Variants in LAMA5 observed in about 807,000 individuals in gnomAD.
LAMA5 encodes the protein laminin subunit alpha 5, also known as laminin subunit alpha-5.
LAMA5 carries 260 observed loss-of-function variants against 433.4 expected under a neutral mutation model. That is an observed-to-expected ratio of 0.60 (90% confidence interval 0.54 to 0.66). The LOEUF is 0.66. Ranked by LOEUF, LAMA5 falls within the 30% of genes least tolerant of loss-of-function variation. LAMA5 has a pLI of 0.00. For synonymous variants in LAMA5, 2,620 were observed against 2,226.6 expected, an observed-to-expected ratio of 1.18 and a Z score of -4.97; for missense variants, 5,378 against 5,258.5, an observed-to-expected ratio of 1.02 and a Z score of -0.70.
At chr20:62,347,063 C>G in intron 6 of LAMA5, 35 bp from the exon 7 acceptor site, 3 of 1,556,458 alleles carry the variant, frequency 1.9e-6, no homozygotes, top group Non-Finnish European at 2.6e-6. Context: ...TCAGGCCCAT[C>G]CTGGAGGCAG....
chr20:62,339,231 CTTTTT>C (rs151158845), intron 11 of LAMA5, among the ~76,000 whole-genome samples: 1 of 55,958 alleles, frequency 1.8e-5, no homozygotes, highest in Non-Finnish European at 3.3e-5. Flanking sequence ...ATTATAGTTT[CTTTTT>C]TTTTTTTTTT....
rs549918706 is a variant in LAMA5 at position 62,311,230 on chromosome 20, G to A, written c.10020C>T (p.Ser3340=). The A allele has an allele frequency of 9.3e-6, 15 of 1,610,002 alleles. No homozygotes were observed. The African/African-American group carries it at 1.1e-4, about 11-fold the overall frequency. The change falls in exon 73 of 80, where the codon TCC becomes TCT. Residue 3340 remains serine, a synonymous_variant. Coordinates refer to ENST00000252999, the MANE Select transcript of LAMA5 (RefSeq NM_005560.6). ...TGGACAGGGAACCCCCAAACTGGTAGGAGTCTCGGGTGGTCCTGAGGTGTG... is the reference window on the plus strand; with the variant it reads ...TGGACAGGGAACCCCCAAACTGGTAAGAGTCTCGGGTGGTCCTGAGGTGTG... ...LPPHLRTTRD[S]YQFGGSLSSH... is the part of the protein sequence containing the mutation.
chr20:62,350,508 C>G (rs1430054030), intron 6 of LAMA5, among the ~76,000 whole-genome samples: 1 of 152,184 alleles, frequency 6.6e-6, no homozygotes, highest in Non-Finnish European at 1.5e-5. Flanking sequence ...TGTCTGAGCT[C>G]CACCCGCCTC....
chr20:62,352,750 G>A (rs909256119), intron 3 of LAMA5, among the ~76,000 whole-genome samples: 4 of 152,160 alleles, frequency 2.6e-5, no homozygotes, highest in Non-Finnish European at 5.9e-5. Context: ...AGGGTGGCAC[G>A]GGGCCAGGGA....
At chr20:62,354,159 G>A (rs1411685585) in intron 2 of LAMA5, among the ~76,000 whole-genome samples, 2 of 152,082 alleles carry the variant, frequency 1.3e-5, no homozygotes, top group African/African-American at 4.8e-5. Flanking sequence ...CTGGGGGACA[G>A]CCTGGCTCAG....
Position 62,312,545 on chromosome 20 carries a change from G to A in LAMA5, c.9228-13C>T, listed in dbSNP as rs201581591. ...GAGCCGTCGCAGGCTGTGGGGAAGC[G>A]GGGATGCGGGTCAGGGCGCCACCTC... On this transcript the variant is annotated splice_polypyrimidine_tract_variant and intron_variant, in intron 67 of 79. Transcript: ENST00000252999. The A allele has an allele frequency of 2.4e-4, 384 of 1,599,382 alleles. No homozygotes were observed. The highest frequency in any genetic ancestry group is 6.6e-4 in the Middle Eastern group (4 of 6,050).
Position 62,310,934 on chromosome 20 carries a change from G to A in LAMA5, c.10249C>T (p.Arg3417Cys), listed in dbSNP as rs1295764014. The A allele has an allele frequency of 2.5e-6, 4 of 1,610,916 alleles. No individual in the cohort carries two copies. The highest frequency in any genetic ancestry group is 1.7e-5 in the Admixed American group (1 of 59,864). ...GLGTRLRAQS[R>C]QRSRPGRWHK... The stretch of plus-strand genomic sequence containing the variant: ...CAGCGGCCAGGCCGGGAGCGCTGGC[G>A]GCTCTGGGCGCGGAGCCGAGTCCCG... Residue 3417 changes from arginine (R) to cysteine (C), a missense_variant, in exon 74 of 80, where the codon CGC (arginine) becomes TGC (cysteine). Arg to Cys is a radical substitution (Grantham distance 180). Transcript: ENST00000252999.
chr20:62,317,751 T>G lies in LAMA5; in HGVS notation c.7267A>C (p.Asn2423His), dbSNP rs748430953. Residue 2423 changes from asparagine (N) to histidine (H), a missense_variant, in exon 54 of 80, where the codon AAT becomes CAT. Transcript: ENST00000252999. ...TGCAGAGTGGCCTGCAGGGTGGCAT[T>G]GTCCCGGGACAGCTCCTGCTTCCTT... ...LQRKQELSRDNATLQATLHAA... is the reference protein window; with the variant it reads ...LQRKQELSRDHATLQATLHAA... 2 of 1,606,674 alleles carry G rather than the reference T, an allele frequency of 1.2e-6. No individual in the cohort carries two copies. The highest frequency in any genetic ancestry group is 1.7e-6 in the Non-Finnish European group (2 of 1,177,510).
At chr20:62,320,179 G>T (rs369160270) in intron 50 of LAMA5, among the ~76,000 whole-genome samples, 3 of 151,774 alleles carry the variant, frequency 2.0e-5, no homozygotes, top group East Asian at 3.9e-4. Context: ...TTAGCTGGGC[G>T]TGGTGGCGTG....
chr20:62,311,816 T>TTGGCCCCCCC, intron 70 of LAMA5, 32 bp from the exon 71 acceptor site: 6 of 1,520,998 alleles, frequency 3.9e-6, no homozygotes, highest in Non-Finnish European at 5.4e-6. Context: ...GCTCGGTTTT[T>TTGGCCCCCCC]CCCCACCCTG....
Position 62,310,509 on chromosome 20 carries a change from G to A in LAMA5, c.10510C>T (p.Pro3504Ser), listed in dbSNP as rs771126709. 16 of 1,555,020 alleles carry A rather than the reference G, an allele frequency of 1.0e-5. No homozygotes were observed. The highest frequency in any genetic ancestry group is 1.7e-4 in the Middle Eastern group (1 of 5,752). The change falls in exon 76 of 80, where the codon CCC becomes TCC. Residue 3504 changes from proline (P) to serine (S), a missense_variant. Coordinates refer to ENST00000252999, the MANE Select transcript of LAMA5 (RefSeq NM_005560.6). ...LRLHGRPLGA[P>S]TRMAGVTPCI... is the part of the protein sequence containing the mutation. ...GGTGTGACCCCTGCCATCCGTGTGG[G>A]GGCCCCCAGGGGCCTCCCGTGCAGC...
At chr20:62,323,368 A>G (rs1286696246) in intron 45 of LAMA5, 88 bp downstream of exon 45, 1 of 1,105,442 alleles carries the variant, frequency 9.0e-7, no homozygotes, top group Non-Finnish European at 1.3e-6. Flanking sequence ...CATCAGGCAC[A>G]CAGCCTACTT....
At position 62,313,238 on chromosome 20, in the gene LAMA5, G is replaced by T; in HGVS notation, c.8805C>A (p.Thr2935=). The T allele has an allele frequency of 6.5e-7, 1 of 1,545,046 alleles. No homozygotes were observed. Among genetic ancestry groups the T allele is most frequent in the Non-Finnish European group, 8.7e-7 (1 of 1,148,120 alleles). ...AGCCGTCCGTGAGCCACGGGTCCCC[G>T]GTCGACTTGGAGCTGCAGGTCGGAG... ...VDRPCARSKS[T]GDPWLTDGSY... Residue 2935 remains threonine, a synonymous_variant, in exon 65 of 80, where the codon ACC becomes ACA. Coordinates refer to ENST00000252999, the MANE Select transcript of LAMA5 (RefSeq NM_005560.6).
At chr20:62,351,601 G>A (rs1276159541) in intron 6 of LAMA5, 103 bp downstream of exon 6, 3 of 1,098,574 alleles carry the variant, frequency 2.7e-6, no homozygotes, top group Non-Finnish European at 4.0e-6. Context: ...GGTGGGCCAT[G>A]GAACCAGGTC....
At chr20:62,362,843 G>T (rs963493889) in intron 1 of LAMA5, among the ~76,000 whole-genome samples, 3 of 139,626 alleles carry the variant, frequency 2.1e-5, no homozygotes, top group Admixed American at 2.1e-4. Flanking sequence ...CCTCTCTAGC[G>T]GGGTGGCGTC....
In LAMA5 at chr20:62,322,067, G is replaced by C; in HGVS notation, c.6448C>G (p.Gln2150Glu). 6.2e-7 allele frequency: 1 copy of C among 1,600,390 alleles called. No individual in the cohort carries two copies. The highest frequency in any genetic ancestry group is 1.3e-5 in the African/African-American group (1 of 74,946). The change falls in exon 48 of 80, where the codon CAG (glutamine) becomes GAG (glutamate). Residue 2150 changes from glutamine (Q) to glutamate (E), a missense_variant. By Grantham distance (29) the Gln-to-Glu change is conservative. Coordinates refer to ENST00000252999, the MANE Select transcript of LAMA5 (RefSeq NM_005560.6). Reference protein sequence around the residue: ...ERCDTCSQQHQVPVPGGPVGH... With the variant: ...ERCDTCSQQHEVPVPGGPVGH... ...ACAGGCCCGCCTGGAACAGGCACCTGATGCTGCTGGCTGCAGGTGTCGCAG... is the reference window on the plus strand; with the variant it reads ...ACAGGCCCGCCTGGAACAGGCACCTCATGCTGCTGGCTGCAGGTGTCGCAG...
intron 1 of LAMA5, 125 bp from the exon 2 acceptor site, chr20:62,362,677 C>G: frequency 1.3e-6 from 1 of 787,282 alleles, no homozygotes; most frequent in Non-Finnish European, 1.8e-6. Context: ...CCAGCCTCTG[C>G]GCCCCTCATC....
Position 62,316,695 on chromosome 20 carries a change from G to A in LAMA5, c.7732C>T (p.Gln2578Ter). ...NSTALEEAML[Q>*]EQQRLGLVWA... ...CCAAGGCCCAGCCTCTGCTGTTCCT[G>A]GAGCATGGCCTCTTCTAGTGCAGTG... is the stretch of plus-strand genomic sequence containing the variant. The change falls in exon 57 of 80, where the codon CAG becomes TAG. Residue 2578 changes from glutamine to a stop codon, truncating the protein, a stop_gained. Coordinates refer to ENST00000252999, the MANE Select transcript of LAMA5 (RefSeq NM_005560.6). LOFTEE classifies it high-confidence loss of function. 1.2e-6 allele frequency: 2 copies of A among 1,606,274 alleles called. No individual in the cohort carries two copies. The highest frequency in any genetic ancestry group is 1.7e-6 in the Non-Finnish European group (2 of 1,175,734).
rs768154659 is a variant in LAMA5 at position 62,316,702 on chromosome 20, G to A, written c.7725C>T (p.Ala2575=). The change falls in exon 57 of 80, where the codon GCC becomes GCT. Residue 2575 remains alanine (A), a synonymous_variant. Coordinates refer to ENST00000252999, the MANE Select transcript of LAMA5 (RefSeq NM_005560.6). ...LLANSTALEE[A]MLQEQQRLGL... ...CCAGCCTCTGCTGTTCCTGGAGCATGGCCTCTTCTAGTGCAGTGCTGTTGG... is the reference window on the plus strand; with the variant it reads ...CCAGCCTCTGCTGTTCCTGGAGCATAGCCTCTTCTAGTGCAGTGCTGTTGG... 7 of 1,607,812 alleles carry A rather than the reference G, an allele frequency of 4.4e-6. No individual in the cohort carries two copies. The highest frequency in any genetic ancestry group is 1.1e-5 in the South Asian group (1 of 90,686).
Sources: allele counts gnomAD v4.1 joint callset (sites outside exome capture counted in the v4.1 genomes callset), GRCh38; gene constraint gnomAD v4.1.1; transcripts MANE v1.5; gene names NCBI Gene and HGNC (gene_info 2026-07-23, HGNC 2026-07-21).